Variants in ADCY1 observed in about 807,000 individuals in gnomAD.
ADCY1 encodes the protein adenylate cyclase type 1.
Under a neutral mutation model 105.4 loss-of-function variants are expected in ADCY1, and 28 were observed. That is an observed-to-expected ratio of 0.27 (90% CI 0.20 to 0.36). The LOEUF is 0.36. Ranked by LOEUF, ADCY1 falls within the 10% of genes least tolerant of loss-of-function variation. The pLI, the probability that ADCY1 is intolerant of heterozygous loss-of-function variation, is 1.00. For missense variants in ADCY1, 977 were observed against 1,434.2 expected (o/e 0.68, Z 5.15); for synonymous variants, 655 against 623.8 (o/e 1.05, Z -0.75).
intron 6 of ADCY1, among the ~76,000 whole-genome samples, chr7:45,659,403 TA>T (rs1347517152): frequency 1.3e-5 from 2 of 152,198 alleles, no homozygotes; most frequent in Admixed American, 1.3e-4. Context: ...TCTCGCCCCA[TA>T]AACCTGCGAG....
intron 14 of ADCY1, among the ~76,000 whole-genome samples, chr7:45,687,160 C>G (rs367797535): frequency 2.0e-5 from 3 of 152,280 alleles, no homozygotes; most frequent in East Asian, 3.9e-4. Context: ...CTGGGAAATT[C>G]TGACACAAGA....
At chr7:45,689,520 C>T (rs1784747869) in intron 14 of ADCY1, among the ~76,000 whole-genome samples, 1 of 152,078 alleles carries the variant, frequency 6.6e-6, no homozygotes, top group African/African-American at 2.4e-5. Context: ...GTGCCACACA[C>T]TTTAAAACAA....
Position 45,686,123 on chromosome 7 carries a change from C to G in ADCY1, c.2235C>G (p.Phe745Leu), listed in dbSNP as rs529111774. 10 of 1,614,184 alleles carry G rather than the reference C, an allele frequency of 6.2e-6. No individual in the cohort carries two copies. In the South Asian group the frequency reaches 1.1e-4, roughly 18 times the overall value. Residue 745 changes from phenylalanine (F) to leucine (L), a missense_variant, in exon 13 of 20, where the codon TTC (phenylalanine) becomes TTG (leucine). By Grantham distance (22) the Phe-to-Leu change is conservative (BLOSUM62 0). Coordinates refer to ENST00000297323, the MANE Select transcript of ADCY1 (RefSeq NM_021116.4). The surrounding 1 kb of genome is among the most constrained non-coding windows in gnomAD (Gnocchi z 4.3). ...LVGTLPLAIF[F>L]RVSSLPKMIL... ...GCACCCTCCCGCTAGCCATATTTTT[C>G]CGGGTGTCCTCCTTGCCAAAAATGA... is the stretch of plus-strand genomic sequence containing the variant.
chr7:45,650,268 C>T (rs749760263), intron 5 of ADCY1, among the ~76,000 whole-genome samples: 13 of 152,016 alleles, frequency 8.6e-5, no homozygotes, highest in Non-Finnish European at 1.8e-4. Flanking sequence ...ATATATCACA[C>T]GTCATATAAC....
intron 5 of ADCY1, among the ~76,000 whole-genome samples, chr7:45,653,365 G>C (rs1355349458): frequency 6.6e-6 from 1 of 152,218 alleles, no homozygotes; most frequent in East Asian, 1.9e-4. Context: ...AGGCTGACAA[G>C]ACCAGGCCCT....
At chr7:45,704,187 T>C (rs1785059951) in intron 16 of ADCY1, among the ~76,000 whole-genome samples, 1 of 152,078 alleles carries the variant, frequency 6.6e-6, no homozygotes, top group African/African-American at 2.4e-5. Flanking sequence ...CGCACCCTTG[T>C]CTACAGATGG....
chr7:45,650,457 A>G (rs1042340857), intron 5 of ADCY1, among the ~76,000 whole-genome samples: 16 of 152,174 alleles, frequency 1.1e-4, no homozygotes, highest in African/African-American at 3.9e-4. Flanking sequence ...TTAAGGAGAC[A>G]GATGTCAGTC....
chr7:45,588,973 C>T (rs1792822205), intron 1 of ADCY1, among the ~76,000 whole-genome samples: 1 of 152,166 alleles, frequency 6.6e-6, no homozygotes, highest in Non-Finnish European at 1.5e-5. Context: ...AGAGTCTAAC[C>T]TGTGTCCCAC....
At chr7:45,667,736 A>G (rs891204436) in intron 8 of ADCY1, among the ~76,000 whole-genome samples, 1 of 152,174 alleles carries the variant, frequency 6.6e-6, no homozygotes, top group African/African-American at 2.4e-5. Context: ...GGCCATTTTC[A>G]TGATATTAAT....
intron 4 of ADCY1, among the ~76,000 whole-genome samples, chr7:45,628,268 C>A (rs1794122857): frequency 6.6e-6 from 1 of 152,182 alleles, no homozygotes; most frequent in Non-Finnish European, 1.5e-5. Flanking sequence ...TCCACTCTGA[C>A]CCCATGGGTT....
At chr7:45,644,572 C>T (rs990995705) in intron 4 of ADCY1, among the ~76,000 whole-genome samples, 4 of 152,176 alleles carry the variant, frequency 2.6e-5, no homozygotes, top group Non-Finnish European at 4.4e-5. Flanking sequence ...ATGTCACCTG[C>T]CTGTAGTCCT....
intron 6 of ADCY1, among the ~76,000 whole-genome samples, chr7:45,658,193 A>T (rs745520793): frequency 6.6e-5 from 10 of 152,242 alleles, no homozygotes. Flanking sequence ...TGCTGTCCTC[A>T]TGGCTTGTTG....
At chr7:45,674,310 T>C (rs1227613413) in intron 8 of ADCY1, among the ~76,000 whole-genome samples, 4 of 152,182 alleles carry the variant, frequency 2.6e-5, no homozygotes, top group Admixed American at 2.6e-4. Context: ...GCTTATTTTA[T>C]GTCTGATTGT....
intron 3 of ADCY1, among the ~76,000 whole-genome samples, chr7:45,610,788 T>A (rs1793533540): frequency 6.7e-6 from 1 of 149,956 alleles, no homozygotes; most frequent in Non-Finnish European, 1.5e-5. Flanking sequence ...GTGGGGGTGA[T>A]GGTGGAGGTG....
At position 45,686,623 on chromosome 7, in the gene ADCY1, G is replaced by A; in HGVS notation, c.2404G>A (p.Ala802Thr). The change falls in exon 14 of 20, where the codon GCC becomes ACC. Residue 802 changes from alanine (A) to threonine (T), a missense_variant. Coordinates refer to ENST00000297323, the MANE Select transcript of ADCY1 (RefSeq NM_021116.4). The surrounding 1 kb of genome is among the most constrained non-coding windows in gnomAD (Gnocchi z 4.3). ...CTTCTCCTGTGCGCTGGCCCTGCATGCCAGGCAGGTGGACATCAGGCTGAG... is the reference window on the plus strand; with the variant it reads ...CTTCTCCTGTGCGCTGGCCCTGCATACCAGGCAGGTGGACATCAGGCTGAG... ...LLFSCALALHARQVDIRLRLD... is the reference protein window; with the variant it reads ...LLFSCALALHTRQVDIRLRLD... The A allele has an allele frequency of 6.2e-7, 1 of 1,613,474 alleles. No homozygotes were observed. Among genetic ancestry groups the A allele is most frequent in the Non-Finnish European group, 8.5e-7 (1 of 1,179,514 alleles).
rs952490779 is a variant in ADCY1 at position 45,591,997 on chromosome 7, C to T, written c.640-762C>T. The stretch of plus-strand genomic sequence containing the variant: ...GGCTCTGGACACTGCGTTTCCCCAT[C>T]TTGTGCTGGTGCTCACTGTGTCCCC... On this transcript the variant is annotated intron_variant, in intron 1 of 19. Coordinates refer to ENST00000297323, the MANE Select transcript of ADCY1 (RefSeq NM_021116.4). The surrounding 1 kb of genome is among the most constrained non-coding windows in gnomAD (Gnocchi z 4.1). Among the ~76,000 whole-genome samples the T allele has an allele frequency of 1.3e-5, 2 of 151,740 alleles. No homozygotes were observed. The highest frequency in any genetic ancestry group is 1.5e-5 in the Non-Finnish European group (1 of 68,006).
Position 45,703,870 on chromosome 7 carries a change from G to C in ADCY1, c.2718+124G>C, listed in dbSNP as rs1253810176. On this transcript the variant is annotated intron_variant, in intron 16 of 19. Coordinates refer to ENST00000297323, the MANE Select transcript of ADCY1 (RefSeq NM_021116.4). This position sits in a 1 kb window ranked among gnomAD's most constrained non-coding sequence, Gnocchi z 5.9. ...CTGGAATGAGAGAAAGCAAATCCCG[G>C]GAAGCACAGGCATTCTGTCTCCTTT... 5 of 1,346,544 alleles carry C rather than the reference G, an allele frequency of 3.7e-6. No homozygotes were observed. The highest frequency in any genetic ancestry group is 5.0e-6 in the Non-Finnish European group (5 of 997,980). 83.4% of individuals were successfully genotyped at this position (1,346,544 alleles called of 1,614,324 possible). A position where few individuals can be genotyped will look rare whatever the true frequency, so the allele number is the denominator to read the frequency against.
At chr7:45,619,153 A>G (rs1343072145) in intron 3 of ADCY1, among the ~76,000 whole-genome samples, 8 of 152,202 alleles carry the variant, frequency 5.3e-5, no homozygotes, top group Admixed American at 4.6e-4. Flanking sequence ...TATGGAAGCT[A>G]AAATAGTTGA....
chr7:45,667,197 C>A (rs1424612545), intron 8 of ADCY1, among the ~76,000 whole-genome samples: 5 of 152,136 alleles, frequency 3.3e-5, no homozygotes, highest in African/African-American at 4.8e-5. Context: ...ACATGAAGTC[C>A]TTGCCCATGC....
Sources: allele counts gnomAD v4.1 joint callset (sites outside exome capture counted in the v4.1 genomes callset), GRCh38; gene constraint gnomAD v4.1.1; non-coding constraint Gnocchi (gnomAD v3.1); transcripts MANE v1.5; gene names NCBI Gene and HGNC (gene_info 2026-07-23, HGNC 2026-07-21).